NBPF11: variants seen among roughly 807,000 people sequenced by gnomAD.
NBPF11 encodes the protein NBPF family member NBPF11.
NBPF11 carries 72 observed loss-of-function variants against 93.9 expected under a neutral mutation model. The ratio of observed to expected loss-of-function variants is 0.77; its 90% CI spans 0.63 to 0.93. The LOEUF is 0.93. NBPF11 is among the 40% of genes least tolerant of loss of function. The pLI, the probability that NBPF11 is intolerant of heterozygous loss-of-function variation, is 0.00. For synonymous variants in NBPF11, 224 were observed against 304.9 expected (o/e 0.73, Z 2.76); for missense variants, 705 against 802.2 (o/e 0.88, Z 1.46).
chr1:148,129,099 TATATAA>T (rs1669758460), intron 4 of NBPF11, among the ~76,000 whole-genome samples: 1 of 145,554 alleles, frequency 6.9e-6, no homozygotes, highest in Non-Finnish European at 1.5e-5. Flanking sequence ...TGTATATATA[TATATAA>T]TATATATACA....
At chr1:148,139,202 C>A (rs1671814847) in intron 2 of NBPF11, among the ~76,000 whole-genome samples, 1 of 151,182 alleles carries the variant, frequency 6.6e-6, no homozygotes, top group Non-Finnish European at 1.5e-5. Flanking sequence ...AATTCCTTTT[C>A]TTGTGCTCAC....
intron 17 of NBPF11, among the ~76,000 whole-genome samples, chr1:148,108,856 C>A (rs1266131403): frequency 4.3e-5 from 6 of 138,790 alleles, no homozygotes; most frequent in African/African-American, 1.6e-4. Context: ...CACACACACA[C>A]ACACACACAC....
intron 10 of NBPF11, among the ~76,000 whole-genome samples, chr1:148,119,368 C>A (rs1361231255): frequency 6.6e-6 from 1 of 151,966 alleles, no homozygotes; most frequent in Non-Finnish European, 1.5e-5. Flanking sequence ...AATAAACGTT[C>A]TAGGAGATTG....
At position 148,103,921 on chromosome 1, in the gene NBPF11, G is replaced by C. The variant is rs1394367712; in HGVS notation, c.2582-9C>G. 4 of 1,610,666 alleles carry C rather than the reference G, an allele frequency of 2.5e-6. No homozygotes were observed. Among genetic ancestry groups the C allele is most frequent in the African/African-American group, 2.7e-5 (2 of 74,592 alleles). ...TCAGCACGCTGCTGAGCCTGGAAAA[G>C]GAGACAAAACTAAAGAAGCAGCCAG... On this transcript the variant is annotated splice_polypyrimidine_tract_variant and intron_variant, in intron 23 of 23. Coordinates refer to ENST00000682118, the MANE Select transcript of NBPF11 (RefSeq NM_001385469.3).
chr1:148,147,726 C>T (rs1204720435), intron 1 of NBPF11, among the ~76,000 whole-genome samples: 3 of 152,090 alleles, frequency 2.0e-5, no homozygotes, highest in African/African-American at 7.2e-5. Flanking sequence ...CAGGCAGTCC[C>T]TGCTGTGGGC....
chr1:148,146,281 G>A (rs1188567871), intron 1 of NBPF11: 9 of 1,303,822 alleles, frequency 6.9e-6, no homozygotes, highest in African/African-American at 3.2e-5. Context: ...AGCTGGGGGG[G>A]CGCTCTCCCC....
At chr1:148,116,826 C>T (rs1454696662) in intron 12 of NBPF11, among the ~76,000 whole-genome samples, 4 of 152,038 alleles carry the variant, frequency 2.6e-5, no homozygotes, top group African/African-American at 9.7e-5. Context: ...GCAGCTGTCT[C>T]CCCCATCCTG....
chr1:148,115,162 CACAAAAAAAAAAA>C (rs1666183315), intron 14 of NBPF11, among the ~76,000 whole-genome samples: 107 of 15,158 alleles, frequency 7.1e-3, no homozygotes, highest in African/African-American at 0.049. Flanking sequence ...AGGACTCCAT[CACAAAAAAAAAAA>C]AAAAAAAAAA....
Position 148,109,208 on chromosome 1 carries a change from C to T in NBPF11, c.1853+76G>A, listed in dbSNP as rs587670853. The T allele has an allele frequency of 3.4e-4, 334 of 992,938 alleles. 1 individual carries two copies. In the East Asian group the frequency reaches 4.6e-3, roughly 14 times the overall value. 61.5% of individuals were successfully genotyped at this position (992,938 alleles called of 1,614,324 possible). The stretch of plus-strand genomic sequence containing the variant: ...GACAAGACAAAATCATGATTTTCAG[C>T]GTGTACTGTTTTCCCTGGACTTGGC... On this transcript the variant is annotated intron_variant, in intron 17 of 23. Coordinates refer to ENST00000682118, the MANE Select transcript of NBPF11 (RefSeq NM_001385469.3).
intron 1 of NBPF11, chr1:148,146,638 G>A (rs1673148545): frequency 4.3e-6 from 7 of 1,611,494 alleles, no homozygotes; most frequent in Admixed American, 3.3e-5. Context: ...CAGCCAGCGC[G>A]AGCTGGACAC....
intron 4 of NBPF11, among the ~76,000 whole-genome samples, chr1:148,127,788 GC>G (rs1669451381): frequency 6.8e-6 from 1 of 147,794 alleles, no homozygotes; most frequent in Non-Finnish European, 1.5e-5. Context: ...GAATACAGGC[GC>G]CCGCCACCAC....
intron 4 of NBPF11, among the ~76,000 whole-genome samples, chr1:148,130,684 A>G (rs1670178293): frequency 1.3e-5 from 2 of 151,392 alleles, no homozygotes; most frequent in South Asian, 4.2e-4. Flanking sequence ...GCACCACTTT[A>G]AAATGTGTAA....
Position 148,127,053 on chromosome 1 carries a change from C to A in NBPF11, c.-35-15G>T. ...GGAGTCAGGGACTGGGGAGAAGAAA[C>A]CCAAACATATGATGGGTTAAAAACT... On this transcript the variant is annotated splice_polypyrimidine_tract_variant and intron_variant, in intron 4 of 23. Transcript: ENST00000682118. The A allele has an allele frequency of 1.8e-6, 1 of 560,488 alleles. No homozygotes were observed. Among genetic ancestry groups the A allele is most frequent in the Non-Finnish European group, 3.1e-6 (1 of 325,490 alleles). The allele number at this position is 560,488 out of a possible 1,614,324, so 34.7% of individuals were successfully genotyped here.
At chr1:148,129,329 CT>C (rs1185323093) in intron 4 of NBPF11, among the ~76,000 whole-genome samples, 1 of 142,424 alleles carries the variant, frequency 7.0e-6, no homozygotes, top group Non-Finnish European at 1.5e-5. Context: ...TATATTTTTT[CT>C]TTTTTAAGTG....
intron 1 of NBPF11, among the ~76,000 whole-genome samples, chr1:148,148,051 CCT>C (rs1673483605): frequency 6.6e-6 from 1 of 152,162 alleles, no homozygotes; most frequent in Non-Finnish European, 1.5e-5. Flanking sequence ...GGGGCTCCTG[CCT>C]GTAGCAGGTG....
Position 148,103,877 on chromosome 1 carries a change from T to G in NBPF11, c.*19A>C. 1 of 1,611,198 alleles carries G rather than the reference T, an allele frequency of 6.2e-7. No individual in the cohort carries two copies. Among genetic ancestry groups the G allele is most frequent in the Non-Finnish European group, 8.5e-7 (1 of 1,179,300 alleles). ...TCTATCCAGTGAGTCCTGTAAGACT[T>G]CAGGCACTTCCACTTCCATCAGCAC... On this transcript the variant is annotated 3_prime_UTR_variant, in exon 24 of 24. Coordinates refer to ENST00000682118, the MANE Select transcript of NBPF11 (RefSeq NM_001385469.3).
At chr1:148,112,010 G>A (rs1467208530) in intron 15 of NBPF11, among the ~76,000 whole-genome samples, 5 of 148,310 alleles carry the variant, frequency 3.4e-5, no homozygotes, top group Admixed American at 2.7e-4. Context: ...GAGAAAGGTC[G>A]GATTACCCAC....
intron 10 of NBPF11, among the ~76,000 whole-genome samples, chr1:148,120,138 T>C (rs1478757315): frequency 3.9e-5 from 6 of 151,944 alleles, no homozygotes; most frequent in African/African-American, 1.2e-4. Context: ...TTCACTAGTC[T>C]CAGATATTTA....
chr1:148,147,950 C>T (rs1300811731), intron 1 of NBPF11, among the ~76,000 whole-genome samples: 32 of 152,186 alleles, frequency 2.1e-4, no homozygotes, highest in African/African-American at 7.7e-4. Context: ...AACCTAGGCC[C>T]AGAGCCATGA....
Sources: allele counts gnomAD v4.1 joint callset (sites outside exome capture counted in the v4.1 genomes callset), GRCh38; gene constraint gnomAD v4.1.1; transcripts MANE v1.5; gene names NCBI Gene and HGNC (gene_info 2026-07-23, HGNC 2026-07-21).